Variants in ZFR observed in about 807,000 individuals in gnomAD.
ZFR encodes zinc finger RNA-binding protein.
A neutral mutation model predicts 130.7 loss-of-function variants in ZFR; 19 were observed. The ratio of observed to expected loss-of-function variants is 0.15; its 90% CI spans 0.10 to 0.21. The LOEUF is 0.21. Among genes scored for constraint, ZFR ranks in the 10% least tolerant of loss-of-function variants. ZFR has a pLI of 1.00. For missense variants in ZFR, 872 were observed against 1,321.5 expected (o/e 0.66, Z 5.27); for synonymous variants, 466 against 456.9 (o/e 1.02, Z -0.25).
At chr5:32,361,926 A>G (rs1330155458) in intron 19 of ZFR, among the ~76,000 whole-genome samples, 1 of 152,074 alleles carries the variant, frequency 6.6e-6, no homozygotes, top group Non-Finnish European at 1.5e-5. Context: ...GCCTATGCTA[A>G]TATTTTATGA....
chr5:32,355,576 T>G lies in ZFR; in HGVS notation c.*184A>C, dbSNP rs529769104. The stretch of plus-strand genomic sequence containing the variant: ...CCTAGTCGGAGCACATTTTTTTTTT[T>G]GGGTGTCTTTCCATTCAAATAATAC... On this transcript the variant is annotated 3_prime_UTR_variant, in exon 20 of 20. Transcript: ENST00000265069. 19 of 430,476 alleles carry G rather than the reference T, an allele frequency of 4.4e-5. No individual in the cohort carries two copies. The highest frequency in any genetic ancestry group is 9.4e-5 in the South Asian group (1 of 10,636). The allele number at this position is 430,476 out of a possible 1,614,324, so 26.7% of individuals were successfully genotyped here. A position where few individuals can be genotyped will look rare whatever the true frequency, so the allele number is the denominator to read the frequency against.
rs757974245 is a variant in ZFR at position 32,403,416 on chromosome 5, C to T, written c.1225-19G>A. 1.9e-5 allele frequency: 30 copies of T among 1,597,144 alleles called. No individual in the cohort carries two copies. Among genetic ancestry groups the T allele is most frequent in the Middle Eastern group, 1.7e-4 (1 of 6,020 alleles). ...TAACCACCTATAAAACAAAAGCACA[C>T]TTATTTGTCAGGAAACTCAAATAGA... On this transcript the variant is annotated intron_variant, in intron 7 of 19. Coordinates refer to ENST00000265069, the MANE Select transcript of ZFR (RefSeq NM_016107.5).
At position 32,419,815 on chromosome 5, in the gene ZFR, T is replaced by C; in HGVS notation, c.420+6A>G. ...TTCAGGCTACCAAAACTAGTAGTTT[T>C]CTTACCTGGTAGTTTTGTGTAGTAG... On this transcript the variant is annotated splice_donor_region_variant and intron_variant, in intron 3 of 19. Coordinates refer to ENST00000265069, the MANE Select transcript of ZFR (RefSeq NM_016107.5). 6.3e-7 allele frequency: 1 copy of C among 1,586,306 alleles called. No homozygotes were observed. Among genetic ancestry groups the C allele is most frequent in the Non-Finnish European group, 8.6e-7 (1 of 1,163,490 alleles).
intron 17 of ZFR, among the ~76,000 whole-genome samples, chr5:32,371,175 G>T (rs1259335183): frequency 6.6e-6 from 1 of 151,978 alleles, no homozygotes; most frequent in Non-Finnish European, 1.5e-5. Context: ...TTCGAGACCA[G>T]CTGGGGCAAC....
At chr5:32,439,804 TAAAAAAAAAAAA>T (rs11446399) in intron 2 of ZFR, among the ~76,000 whole-genome samples, 1 of 72,460 alleles carries the variant, frequency 1.4e-5, no homozygotes, top group African/African-American at 5.1e-5. Flanking sequence ...ACCATGTCTT[TAAAAAAAAAAAA>T]AAAAAAAAAA....
chr5:32,358,338 CAGAG>C (rs1167892768), intron 19 of ZFR, among the ~76,000 whole-genome samples: 1 of 152,146 alleles, frequency 6.6e-6, no homozygotes, highest in Non-Finnish European at 1.5e-5. Context: ...GCCTGGGTGA[CAGAG>C]AGAGACTGTC....
At chr5:32,444,404 G>C (rs894711037) in intron 1 of ZFR, 76 bp from the exon 2 acceptor site, 191 of 1,477,824 alleles carry the variant, frequency 1.3e-4, no homozygotes, top group Non-Finnish European at 1.6e-4. Flanking sequence ...AGGGAGGGCA[G>C]GGAGAGAAAG....
intron 17 of ZFR, among the ~76,000 whole-genome samples, chr5:32,368,696 T>A (rs567961283): frequency 3.5e-4 from 53 of 152,368 alleles, no homozygotes; most frequent in African/African-American, 1.2e-3. Flanking sequence ...TCTGGCTAAA[T>A]AACAGTAGTA....
chr5:32,437,751 T>C lies in ZFR; in HGVS notation c.137+6478A>G, dbSNP rs77179314. On this transcript the variant is annotated intron_variant, in intron 2 of 19. Coordinates refer to ENST00000265069, the MANE Select transcript of ZFR (RefSeq NM_016107.5). ...TTTAAACAGACATATATTAGATATA[T>C]ACTCTAATCCAACTGCTTATATAAG... Among the ~76,000 whole-genome samples the C allele has an allele frequency of 1.7e-4, 26 of 152,294 alleles. No homozygotes were observed. In the East Asian group the frequency reaches 5.0e-3, roughly 29 times the overall value.
Position 32,364,273 on chromosome 5 carries a change from A to G in ZFR, c.2838T>C (p.Ala946=). The G allele has an allele frequency of 1.3e-6, 2 of 1,587,898 alleles. No individual in the cohort carries two copies. Among genetic ancestry groups the G allele is most frequent in the South Asian group, 2.3e-5 (2 of 87,538 alleles). The stretch of plus-strand genomic sequence containing the variant: ...TTGCTTTCTCTACTAGTAACTCCAT[A>G]GCCTAAAAATACAACATAAAAATGT... ...VPTWSDFPSW[A]MELLVEKAIS... Residue 946 remains alanine, a splice_region_variant and synonymous_variant, in exon 18 of 20, where the codon GCT becomes GCC. Transcript: ENST00000265069.
intron 5 of ZFR, among the ~76,000 whole-genome samples, chr5:32,414,187 C>T (rs1397024542): frequency 1.3e-5 from 2 of 152,178 alleles, no homozygotes; most frequent in Non-Finnish European, 2.9e-5. Flanking sequence ...CAATGAACTG[C>T]AGTTCTCAAA....
At chr5:32,372,467 G>A (rs1581682605) in intron 17 of ZFR, among the ~76,000 whole-genome samples, 1 of 152,064 alleles carries the variant, frequency 6.6e-6, no homozygotes, top group African/African-American at 2.4e-5. Context: ...CCACTTATAT[G>A]GGAGTTATCT....
chr5:32,406,752 G>C, intron 6 of ZFR, 22 bp downstream of exon 6: 1 of 1,598,254 alleles, frequency 6.3e-7, no homozygotes, highest in Non-Finnish European at 8.5e-7. Context: ...AAGACTCAAG[G>C]TAAAACATAC....
intron 2 of ZFR, among the ~76,000 whole-genome samples, chr5:32,443,591 G>A (rs1347650371): frequency 1.3e-5 from 2 of 152,284 alleles, no homozygotes; most frequent in Non-Finnish European, 1.5e-5. Context: ...TCTCCTTGCA[G>A]GAAAAACTAA....
chr5:32,440,348 T>TA (rs1178592422), intron 2 of ZFR, among the ~76,000 whole-genome samples: 3 of 152,072 alleles, frequency 2.0e-5, no homozygotes, highest in South Asian at 4.1e-4. Context: ...TTACTTGACT[T>TA]AAAAAAATGC....
intron 17 of ZFR, among the ~76,000 whole-genome samples, chr5:32,375,436 T>C (rs983227593): frequency 3.3e-5 from 5 of 152,346 alleles, no homozygotes; most frequent in Admixed American, 3.3e-4. Context: ...CCGTATTTGT[T>C]ACTCTAGAAT....
chr5:32,390,688 T>TA (rs1384526805), intron 11 of ZFR, among the ~76,000 whole-genome samples: 2 of 152,188 alleles, frequency 1.3e-5, no homozygotes, highest in Non-Finnish European at 2.9e-5. Context: ...CTCAGTTTCT[T>TA]ACCTCTCTCC....
intron 17 of ZFR, among the ~76,000 whole-genome samples, chr5:32,369,680 C>A (rs377460001): frequency 2.7e-4 from 41 of 151,930 alleles, no homozygotes; most frequent in Admixed American, 3.9e-4. Context: ...GGCATGGTAG[C>A]ATGCACCTAC....
chr5:32,412,681 C>T (rs1753737183), intron 5 of ZFR, among the ~76,000 whole-genome samples: 1 of 152,184 alleles, frequency 6.6e-6, no homozygotes, highest in Non-Finnish European at 1.5e-5. Context: ...TTGGGAAATA[C>T]CTTCTGAAGA....
Sources: gnomAD v4.1 joint callset for allele counts (sites outside exome capture counted in the v4.1 genomes callset) on GRCh38, gnomAD v4.1.1 for gene constraint, MANE v1.5 for transcripts, NCBI Gene and HGNC (gene_info 2026-07-23, HGNC 2026-07-21) for gene names.